The following SCG5 variants were observed in gnomAD, a reference collection of about 807,000 sequenced individuals.
SCG5 encodes the protein secretogranin V, also known as neuroendocrine protein 7B2.
A neutral mutation model predicts 25.7 loss-of-function variants in SCG5; 18 were observed. That is an observed-to-expected ratio of 0.70 (90% CI 0.48 to 1.04). The LOEUF (loss-of-function observed/expected upper bound fraction) is 1.04. Ranked by LOEUF, SCG5 falls within the 50% of genes least tolerant of loss-of-function variation. The pLI is 0.00. For synonymous variants in SCG5, 101 were observed against 91.7 expected, an observed-to-expected ratio of 1.10 and a Z score of -0.58; for missense variants, 206 against 259.8, an observed-to-expected ratio of 0.79 and a Z score of 1.42.
At chr15:32,691,917 G>T in intron 5 of SCG5, 154 bp downstream of exon 5, 1 of 1,475,792 alleles carries the variant, frequency 6.8e-7, no homozygotes, top group South Asian at 1.4e-5. Context: ...GCCACACCCA[G>T]AAAGTCTGTC....
intron 2 of SCG5, among the ~76,000 whole-genome samples, chr15:32,672,034 C>T (rs2054434975): frequency 6.6e-6 from 1 of 152,266 alleles, no homozygotes; most frequent in Non-Finnish European, 1.5e-5. Context: ...CATCCGACTG[C>T]TTCAGGCTCC....
At chr15:32,693,494 G>A (rs886836868) in intron 5 of SCG5, among the ~76,000 whole-genome samples, 7 of 152,176 alleles carry the variant, frequency 4.6e-5, no homozygotes, top group African/African-American at 1.7e-4. Context: ...TGATAAGGAA[G>A]CACGTTGGCC....
chr15:32,687,428 T>A (rs561087125), intron 4 of SCG5, among the ~76,000 whole-genome samples: 2 of 152,382 alleles, frequency 1.3e-5, no homozygotes, highest in East Asian at 3.9e-4. Context: ...TGCAATTATG[T>A]GTTTACTTAA....
At chr15:32,693,429 C>T (rs765683673) in intron 5 of SCG5, among the ~76,000 whole-genome samples, 14 of 152,138 alleles carry the variant, frequency 9.2e-5, no homozygotes, top group Non-Finnish European at 1.3e-4. Context: ...TCTTCCTGTT[C>T]TTGGGCATCT....
In SCG5 at chr15:32,684,900, A is replaced by G. The variant is rs7165737; in HGVS notation, c.489+231A>G. Among the ~76,000 whole-genome samples, 92,407 of 152,070 alleles carry G rather than the reference A, an allele frequency of 0.61. 28,286 individuals carry two copies. Among genetic ancestry groups the G allele is most frequent in the East Asian group, 0.67 (3,466 of 5,180 alleles). ...AAGAGACAGCAACCTAACATTGACC[A>G]TAGTCTCCAGAGTCTTCTACTCTGG... On this transcript the variant is annotated intron_variant, in intron 4 of 5. Transcript: ENST00000300175.
At chr15:32,693,685 CAA>C (rs1308289200) in intron 5 of SCG5, among the ~76,000 whole-genome samples, 1 of 152,200 alleles carries the variant, frequency 6.6e-6, no homozygotes, top group Non-Finnish European at 1.5e-5. Flanking sequence ...ACATTGTAAG[CAA>C]AGATCCAATC....
At chr15:32,673,362 T>C (rs892613516) in intron 2 of SCG5, among the ~76,000 whole-genome samples, 13 of 152,158 alleles carry the variant, frequency 8.5e-5, no homozygotes, top group African/African-American at 3.1e-4. Context: ...TCTCATTTTA[T>C]ATATAATTTT....
At chr15:32,657,647 G>GCT (rs1463654546) in intron 2 of SCG5, among the ~76,000 whole-genome samples, 1 of 152,170 alleles carries the variant, frequency 6.6e-6, no homozygotes, top group Non-Finnish European at 1.5e-5. Context: ...TGAAAAGCTT[G>GCT]CTCTCCGTGG....
chr15:32,684,584 C>G lies in SCG5; in HGVS notation c.404C>G (p.Pro135Arg). 6.2e-7 allele frequency: 1 copy of G among 1,613,408 alleles called. No homozygotes were observed. Among genetic ancestry groups the G allele is most frequent in the Non-Finnish European group, 8.5e-7 (1 of 1,179,548 alleles). Reference sequence around the variant, plus strand: ...GATGATGGATGTCTAGAAAACACCCCTGACACTGCAGAGTTCAGTCGAGAG... The same window carrying G: ...GATGATGGATGTCTAGAAAACACCCGTGACACTGCAGAGTTCAGTCGAGAG... ...TADDGCLENT[P>R]DTAEFSREFQ... Residue 135 changes from proline to arginine, a missense_variant, in exon 4 of 6, where the codon CCT (proline) becomes CGT (arginine). Transcript: ENST00000300175.
At chr15:32,658,569 A>G (rs2054163376) in intron 2 of SCG5, among the ~76,000 whole-genome samples, 1 of 152,232 alleles carries the variant, frequency 6.6e-6, no homozygotes, top group African/African-American at 2.4e-5. Context: ...TTTTCTGCTT[A>G]AAGAGCATCT....
chr15:32,667,744 C>G (rs2054344853), intron 2 of SCG5, among the ~76,000 whole-genome samples: 1 of 151,442 alleles, frequency 6.6e-6, no homozygotes, highest in Non-Finnish European at 1.5e-5. Flanking sequence ...ACAGTCTCGG[C>G]TCACTGCAGC....
chr15:32,685,867 A>G (rs914208115), intron 4 of SCG5, among the ~76,000 whole-genome samples: 3 of 152,218 alleles, frequency 2.0e-5, no homozygotes, highest in Non-Finnish European at 4.4e-5. Flanking sequence ...GCCCTTCTAA[A>G]GTCCTCATCT....
At chr15:32,687,106 G>A (rs566943047) in intron 4 of SCG5, among the ~76,000 whole-genome samples, 1 of 152,290 alleles carries the variant, frequency 6.6e-6, no homozygotes, top group Non-Finnish European at 1.5e-5. Context: ...GTGAGTGAAG[G>A]CAAGGAGCCC....
chr15:32,662,149 C>T (rs2054230721), intron 2 of SCG5, among the ~76,000 whole-genome samples: 1 of 152,146 alleles, frequency 6.6e-6, no homozygotes, highest in Non-Finnish European at 1.5e-5. Flanking sequence ...AACACAGCTT[C>T]AATGAACATA....
intron 3 of SCG5, 191 bp from the exon 4 acceptor site, chr15:32,684,366 C>T: frequency 1.7e-6 from 1 of 571,882 alleles, no homozygotes; most frequent in East Asian, 3.0e-5. Context: ...AGTCTCTGCA[C>T]AGGAGTGGGA....
At position 32,689,546 on chromosome 15, in the gene SCG5, A is replaced by T. The variant is rs576629699; in HGVS notation, c.490-2164A>T. Among the ~76,000 whole-genome samples, 7 of 152,286 alleles carry T rather than the reference A, an allele frequency of 4.6e-5. No homozygotes were observed. In the South Asian group the frequency reaches 1.2e-3, roughly 27 times the overall value. On this transcript the variant is annotated intron_variant, in intron 4 of 5. Transcript: ENST00000300175. The stretch of plus-strand genomic sequence containing the variant: ...GATGGCACTATGGAAAGCCCTTTTA[A>T]TGAACTTGAACCTGCTACTCACATG...
Position 32,657,199 on chromosome 15 carries a change from G to GTATATA in SCG5, c.226+13389_226+13394dup, listed in dbSNP as rs71113463. 7.8e-3 allele frequency among the ~76,000 whole-genome samples: 52 copies of GTATATA among 6,696 alleles called. 18 individuals are homozygous for GTATATA. In the South Asian group the frequency reaches 0.11, roughly 14 times the overall value. 4.4% of individuals were successfully genotyped at this position (6,696 alleles called of 152,430 possible). ...CCTTAATTCTTTCTTTCATCCTCCTGTATATATATATATGTATGTATTTCC... is the reference window on the plus strand; with the variant it reads ...CCTTAATTCTTTCTTTCATCCTCCTGTATATATATATATATATATGTATGTATTTCC... On this transcript the variant is annotated intron_variant, in intron 2 of 5. Transcript: ENST00000300175.
At chr15:32,653,300 G>A (rs1485854457) in intron 2 of SCG5, among the ~76,000 whole-genome samples, 1 of 152,160 alleles carries the variant, frequency 6.6e-6, no homozygotes, top group Non-Finnish European at 1.5e-5. Context: ...GACTATCTTA[G>A]AATGTCAAAG....
At chr15:32,682,271 T>C (rs1418171743) in intron 3 of SCG5, among the ~76,000 whole-genome samples, 1 of 152,162 alleles carries the variant, frequency 6.6e-6, no homozygotes, top group Non-Finnish European at 1.5e-5. Flanking sequence ...GTCCTCCTCA[T>C]GGTTCTAGTG....
Sources: gnomAD v4.1 joint callset for allele counts (sites outside exome capture counted in the v4.1 genomes callset) on GRCh38, gnomAD v4.1.1 for gene constraint, MANE v1.5 for transcripts, NCBI Gene and HGNC (gene_info 2026-07-23, HGNC 2026-07-21) for gene names.